DAB2IP: variants seen among roughly 807,000 people sequenced by gnomAD.
DAB2IP encodes the protein DAB2 interacting protein, also known as disabled homolog 2-interacting protein.
Under a neutral mutation model 107.2 loss-of-function variants are expected in DAB2IP, and 28 were observed. The observed-to-expected ratio is 0.26, with a 90% CI of 0.19 to 0.36. DAB2IP has a LOEUF of 0.36. Among genes scored for constraint, DAB2IP ranks in the 10% least tolerant of loss-of-function variants. The pLI, the probability that DAB2IP is intolerant of heterozygous loss-of-function variation, is 1.00. For missense variants in DAB2IP, 1,400 were observed against 1,644.7 expected, an observed-to-expected ratio of 0.85 and a Z score of 2.57; for synonymous variants, 755 against 706.4, an observed-to-expected ratio of 1.07 and a Z score of -1.09.
intron 3 of DAB2IP, among the ~76,000 whole-genome samples, chr9:121,706,685 AG>A (rs1427016589): frequency 6.6e-6 from 1 of 152,152 alleles, no homozygotes; most frequent in Non-Finnish European, 1.5e-5. Context: ...TGGAAATGAT[AG>A]GGGAGTTTCC....
At chr9:121,674,903 T>TGTG (rs2119126153) in intron 1 of DAB2IP, among the ~76,000 whole-genome samples, 1 of 151,998 alleles carries the variant, frequency 6.6e-6, no homozygotes, top group East Asian at 1.9e-4. Flanking sequence ...GTGGTGTGTG[T>TGTG]GTGTGTATGT....
intron 3 of DAB2IP, among the ~76,000 whole-genome samples, chr9:121,739,772 T>C (rs557904106): frequency 1.6e-4 from 25 of 152,256 alleles, no homozygotes; most frequent in Admixed American, 3.3e-4. Context: ...GGGCTGGGGA[T>C]GCACTTAGGA....
chr9:121,669,941 C>G (rs1182552848), intron 1 of DAB2IP, among the ~76,000 whole-genome samples: 1 of 152,176 alleles, frequency 6.6e-6, no homozygotes, highest in Non-Finnish European at 1.5e-5. Context: ...TGGTACCATG[C>G]CTGCGTATAG....
intron 2 of DAB2IP, among the ~76,000 whole-genome samples, chr9:121,679,452 A>C (rs926949906): frequency 2.7e-5 from 4 of 149,148 alleles, no homozygotes; most frequent in Admixed American, 6.7e-5. Context: ...ACACACACAC[A>C]CCAGAGTTCT....
At chr9:121,771,588 T>G (rs1834738799) in intron 11 of DAB2IP, among the ~76,000 whole-genome samples, 1 of 152,004 alleles carries the variant, frequency 6.6e-6, no homozygotes, top group South Asian at 2.1e-4. Context: ...CAGAGTCACA[T>G]GCCAAGAGTT....
intron 3 of DAB2IP, chr9:121,753,065 TGTG>T (rs1833234120): frequency 6.6e-6 from 1 of 152,136 alleles, no homozygotes; most frequent in African/African-American, 2.4e-5. Flanking sequence ...TGAGGTGACT[TGTG>T]TGGTGGTTCA....
intron 1 of DAB2IP, among the ~76,000 whole-genome samples, chr9:121,629,314 G>A (rs558570190): frequency 1.3e-5 from 2 of 152,264 alleles, no homozygotes; most frequent in East Asian, 1.9e-4. Flanking sequence ...AAGCCTGGCC[G>A]GCTGATGGCA....
rs951379304 is a variant in DAB2IP, at chr9:121,651,906, G to T, written c.124+7G>T. Reference sequence around the variant, plus strand: ...CGGACCCGGCCTGCCAGGGGTAGGCGCCACCCCGACCCCTGACCCCTAGAC... The same window carrying T: ...CGGACCCGGCCTGCCAGGGGTAGGCTCCACCCCGACCCCTGACCCCTAGAC... On this transcript the variant is annotated splice_region_variant and intron_variant, in intron 1 of 15. Coordinates refer to ENST00000408936, the Ensembl canonical transcript of DAB2IP. This position sits in a 1 kb window ranked among gnomAD's most constrained non-coding sequence, Gnocchi z 5.1. 2 of 1,383,558 alleles carry T rather than the reference G, an allele frequency of 1.4e-6. No homozygotes were observed. Among genetic ancestry groups the T allele is most frequent in the African/African-American group, 3.0e-5 (2 of 67,362 alleles). The allele number at this position is 1,383,558 out of a possible 1,614,324, so 85.7% of individuals were successfully genotyped here.
intron 3 of DAB2IP, among the ~76,000 whole-genome samples, chr9:121,705,051 GA>G (rs894470147): frequency 2.6e-5 from 4 of 152,226 alleles, no homozygotes; most frequent in African/African-American, 9.7e-5. Flanking sequence ...TGGACGTATA[GA>G]AGAATCAATT....
At chr9:121,710,241 A>C (rs1045465578) in intron 3 of DAB2IP, among the ~76,000 whole-genome samples, 1 of 152,188 alleles carries the variant, frequency 6.6e-6, no homozygotes, top group African/African-American at 2.4e-5. Context: ...ATTTGCATCC[A>C]GGTCTTTCTA....
chr9:121,630,915 T>G (rs1157033110), intron 1 of DAB2IP, among the ~76,000 whole-genome samples: 1 of 152,224 alleles, frequency 6.6e-6, no homozygotes, highest in Non-Finnish European at 1.5e-5. Context: ...GCCTGTTTTA[T>G]GTATTTAAAA....
chr9:121,650,202 C>T (rs1832687817), upstream of DAB2IP, among the ~76,000 whole-genome samples: 1 of 152,150 alleles, frequency 6.6e-6, no homozygotes, highest in Admixed American at 6.5e-5. Flanking sequence ...TGGGATTGGC[C>T]AGTATTCAGG....
Position 121,634,379 on chromosome 9 carries a change from T to C in DAB2IP, c.41-44299T>C, listed in dbSNP as rs528498121. On this transcript the variant is annotated intron_variant, in intron 1 of 16. Coordinates refer to the DAB2IP transcript ENST00000259371. The surrounding 1 kb of genome is among the most constrained non-coding windows in gnomAD (Gnocchi z 4.7). ...CTGACATTTCACAAGCCTTTGTTTTTTTCTGAATCTGCTCAAAGTCCTTCA... is the reference window on the plus strand; with the variant it reads ...CTGACATTTCACAAGCCTTTGTTTTCTTCTGAATCTGCTCAAAGTCCTTCA... Among the ~76,000 whole-genome samples the C allele has an allele frequency of 1.3e-5, 2 of 152,326 alleles. No homozygotes were observed. Among genetic ancestry groups the C allele is most frequent in the South Asian group, 4.2e-4 (2 of 4,818 alleles).
chr9:121,649,565 G>A (rs527857384), upstream of DAB2IP, among the ~76,000 whole-genome samples: 7 of 152,192 alleles, frequency 4.6e-5, no homozygotes, highest in Non-Finnish European at 7.3e-5. Flanking sequence ...TGGGCCAGAT[G>A]AACTCAGGCC....
chr9:121,781,354 G>T (rs1200078830), intron 14 of DAB2IP, 110 bp from the exon 15 acceptor site: 23 of 1,034,352 alleles, frequency 2.2e-5, no homozygotes, highest in Non-Finnish European at 3.4e-5. Flanking sequence ...CCAAGGAGGG[G>T]CTCTCCTAGT....
At position 121,708,276 on chromosome 9, in the gene DAB2IP, A is replaced by G. The variant is rs140412480; in HGVS notation, c.362+8818A>G. Among the ~76,000 whole-genome samples, 733 of 152,324 alleles carry G rather than the reference A, an allele frequency of 4.8e-3. 9 individuals are homozygous for G. The highest frequency in any genetic ancestry group is 5.8e-3 in the Non-Finnish European group (396 of 68,036). On this transcript the variant is annotated intron_variant, in intron 3 of 15. Coordinates refer to ENST00000408936, the Ensembl canonical transcript of DAB2IP. Reference sequence around the variant, plus strand: ...ATGTGTGAGTGGCCCAAAGTCACACACTGGAGGAAACCCAGTAACCAGGCA... The same window carrying G: ...ATGTGTGAGTGGCCCAAAGTCACACGCTGGAGGAAACCCAGTAACCAGGCA...
chr9:121,656,369 G>A (rs1191091698), intron 1 of DAB2IP, among the ~76,000 whole-genome samples: 1 of 152,218 alleles, frequency 6.6e-6, no homozygotes, highest in East Asian at 1.9e-4. Flanking sequence ...GACTTCATGA[G>A]TTGGGCGAGC....
intron 1 of DAB2IP, among the ~76,000 whole-genome samples, chr9:121,624,220 G>C (rs1831567286): frequency 1.3e-5 from 2 of 152,374 alleles, no homozygotes; most frequent in South Asian, 2.1e-4. Context: ...GGACCCAGCG[G>C]GGCTGCCCAG....
intron 3 of DAB2IP, among the ~76,000 whole-genome samples, chr9:121,729,537 G>A (rs1831405803): frequency 6.6e-6 from 1 of 152,210 alleles, no homozygotes; most frequent in Non-Finnish European, 1.5e-5. Context: ...CCAGCCTTGA[G>A]GAGGAGGGTG....
Sources: gnomAD v4.1 joint callset for allele counts (sites outside exome capture counted in the v4.1 genomes callset) on GRCh38, gnomAD v4.1.1 for gene constraint, Gnocchi (gnomAD v3.1) non-coding constraint, MANE v1.5 for transcripts, NCBI Gene and HGNC (gene_info 2026-07-23, HGNC 2026-07-21) for gene names.